PHF24: variants seen among roughly 807,000 people sequenced by gnomAD.
PHF24 encodes PHD finger protein 24.
In PHF24, 25 loss-of-function variants were observed where a neutral mutation model predicts 42.6. The ratio of observed to expected loss-of-function variants is 0.59; its 90% CI spans 0.43 to 0.82. The LOEUF (loss-of-function observed/expected upper bound fraction) is 0.82, where lower values mean the gene tolerates loss of function less well. Ranked by LOEUF, PHF24 falls within the 40% of genes least tolerant of loss-of-function variation. The pLI is 0.00. For missense variants in PHF24, 470 were observed against 538.1 expected (o/e 0.87, Z 1.25); for synonymous variants, 185 against 204.8 (o/e 0.90, Z 0.83).
the PHF24 span, chr9:34,665,739 T>C: frequency 2.9e-6 from 2 of 697,020 alleles, no homozygotes; most frequent in Non-Finnish European, 5.2e-6. Context: ...TTCTCCGTCA[T>C]TCTCAGGACG....
chr9:34,792,616 A>G, the PHF24 span, among the ~76,000 whole-genome samples: 7 of 152,214 alleles, frequency 4.6e-5, no homozygotes, highest in Admixed American at 4.6e-4. Flanking sequence ...GGTTGTGGTG[A>G]GCCAAGATTG....
At chr9:34,729,586 G>A in the PHF24 span, 3 of 691,824 alleles carry the variant, frequency 4.3e-6, no homozygotes, top group Non-Finnish European at 4.6e-6. Context: ...GTTTCATAAG[G>A]TACATGTAGT....
chr9:34,977,420 A>T, intron 6 of PHF24, 126 bp from the exon 7 acceptor site: 1 of 1,218,200 alleles, frequency 8.2e-7, no homozygotes, highest in South Asian at 1.4e-5. Context: ...TCTGCCTTCA[A>T]CTCGGTGTTG....
chr9:34,841,554 C>T, the PHF24 span, among the ~76,000 whole-genome samples: 12 of 152,042 alleles, frequency 7.9e-5, no homozygotes, highest in Admixed American at 2.0e-4. Flanking sequence ...ATAAGCTACA[C>T]ATATTTAAAG....
chr9:34,834,408 T>A, the PHF24 span: 2 of 1,551,728 alleles, frequency 1.3e-6, no homozygotes, highest in Admixed American at 3.9e-5. Context: ...GCTAGGGCTG[T>A]GCTGCTGCTG....
the PHF24 span, among the ~76,000 whole-genome samples, chr9:34,908,731 G>T: frequency 6.6e-6 from 1 of 151,834 alleles, no homozygotes; most frequent in African/African-American, 2.4e-5. Flanking sequence ...TCCATAGTAT[G>T]GTGTCCTTTG....
the PHF24 span, among the ~76,000 whole-genome samples, chr9:34,945,612 G>C: frequency 1.3e-5 from 2 of 152,098 alleles, no homozygotes; most frequent in Non-Finnish European, 2.9e-5. Context: ...CTGTTGTCTC[G>C]GGAGTGGATT....
chr9:34,686,758 C>G, the PHF24 span, among the ~76,000 whole-genome samples: 1 of 152,156 alleles, frequency 6.6e-6, no homozygotes, highest in Non-Finnish European at 1.5e-5. Context: ...TATCTATAGG[C>G]AGGCAACAAG....
chr9:34,906,497 CTT>C, the PHF24 span, among the ~76,000 whole-genome samples: 45 of 152,150 alleles, frequency 3.0e-4, no homozygotes, highest in South Asian at 1.5e-3. Flanking sequence ...TGACATGGTG[CTT>C]CCTTCCTGAT....
At chr9:34,825,400 G>A in the PHF24 span, among the ~76,000 whole-genome samples, 1 of 152,128 alleles carries the variant, frequency 6.6e-6, no homozygotes, top group South Asian at 2.1e-4. Flanking sequence ...GGACAGAAAT[G>A]ACAAACCAAA....
At chr9:34,872,995 A>T in the PHF24 span, among the ~76,000 whole-genome samples, 1 of 151,342 alleles carries the variant, frequency 6.6e-6, no homozygotes, top group Non-Finnish European at 1.5e-5. Context: ...GGCTGCATAA[A>T]TGTCTTCTTT....
chr9:34,923,076 G>C, the PHF24 span, among the ~76,000 whole-genome samples: 1 of 151,290 alleles, frequency 6.6e-6, no homozygotes, highest in Admixed American at 6.6e-5. Context: ...AATCATGAAG[G>C]GATGTTGAAT....
At chr9:34,922,316 T>C in the PHF24 span, 1 of 1,590,046 alleles carries the variant, frequency 6.3e-7, no homozygotes, top group South Asian at 1.1e-5. Context: ...ATGTATCAAG[T>C]TCAGCAATGG....
the PHF24 span, chr9:34,729,504 G>C: frequency 6.9e-7 from 1 of 1,445,468 alleles, no homozygotes; most frequent in Non-Finnish European, 9.3e-7. Context: ...ATGAATCCCA[G>C]TGCTAGGCCT....
chr9:34,834,909 A>G, the PHF24 span: 1 of 1,417,916 alleles, frequency 7.1e-7, no homozygotes, highest in East Asian at 2.6e-5. Flanking sequence ...GGATCCTTCA[A>G]GGGGGGCTTG....
chr9:34,918,115 CT>C, the PHF24 span: 1 of 1,548,932 alleles, frequency 6.5e-7, no homozygotes, highest in East Asian at 2.2e-5. Flanking sequence ...AACTTTTCTG[CT>C]GGTGTAGCCA....
the PHF24 span, among the ~76,000 whole-genome samples, chr9:34,878,194 C>T: frequency 2.6e-5 from 4 of 152,138 alleles, no homozygotes; most frequent in Admixed American, 6.6e-5. Flanking sequence ...CCATACTCCA[C>T]TCAATTTTTC....
chr9:34,729,182 A>G, the PHF24 span: 1 of 1,340,228 alleles, frequency 7.5e-7, no homozygotes, highest in Non-Finnish European at 1.0e-6. Flanking sequence ...AACTGAAAGT[A>G]TGCTATAAAA....
the PHF24 span, among the ~76,000 whole-genome samples, chr9:34,691,708 C>G: frequency 1.3e-5 from 2 of 152,148 alleles, no homozygotes; most frequent in Non-Finnish European, 2.9e-5. Context: ...TCAGGACAAC[C>G]ATGAGATCCT....
Sources: gnomAD v4.1 joint callset for allele counts (sites outside exome capture counted in the v4.1 genomes callset) on GRCh38, gnomAD v4.1.1 for gene constraint, MANE v1.5 for transcripts, NCBI Gene and HGNC (gene_info 2026-07-23, HGNC 2026-07-21) for gene names.